Variants in PIK3C2A observed in about 807,000 individuals in gnomAD.
PIK3C2A encodes phosphatidylinositol-4-phosphate 3-kinase catalytic subunit type 2 alpha.
PIK3C2A carries 97 observed loss-of-function variants against 204.5 expected under a neutral mutation model. That is an observed-to-expected ratio of 0.47 (90% confidence interval 0.40 to 0.56). The LOEUF is 0.56. Ranked by LOEUF, PIK3C2A falls within the 20% of genes least tolerant of loss-of-function variation. PIK3C2A has a pLI of 0.00. For synonymous variants in PIK3C2A, 653 were observed against 664.4 expected, an observed-to-expected ratio of 0.98 and a Z score of 0.26; for missense variants, 1,735 against 1,969.2, an observed-to-expected ratio of 0.88 and a Z score of 2.25.
chr11:17,164,480 A>C (rs1156496448), intron 2 of PIK3C2A, among the ~76,000 whole-genome samples: 1 of 152,192 alleles, frequency 6.6e-6, no homozygotes, highest in African/African-American at 2.4e-5. Context: ...TTCCTCAGCC[A>C]TGCTGCAGTT....
intron 8 of PIK3C2A, among the ~76,000 whole-genome samples, chr11:17,140,580 T>C (rs1007508303): frequency 6.6e-6 from 1 of 152,214 alleles, no homozygotes; most frequent in African/African-American, 2.4e-5. Flanking sequence ...TGATTCCATG[T>C]ACATGAAATG....
At chr11:17,149,371 G>A (rs558070380) in intron 4 of PIK3C2A, among the ~76,000 whole-genome samples, 2 of 151,828 alleles carry the variant, frequency 1.3e-5, no homozygotes, top group East Asian at 3.9e-4. Flanking sequence ...AAATAAATAA[G>A]GTATACAGGA....
At chr11:17,142,018 G>A (rs1317021672) in intron 8 of PIK3C2A, among the ~76,000 whole-genome samples, 1 of 152,120 alleles carries the variant, frequency 6.6e-6, no homozygotes, top group Non-Finnish European at 1.5e-5. Flanking sequence ...TGTAGGGAAG[G>A]GGGTATATGA....
rs920866232 is a variant in PIK3C2A at position 17,091,371 on chromosome 11, A to G, written c.4841T>C (p.Ile1614Thr). Residue 1614 changes from isoleucine (I) to threonine (T), a missense_variant, in exon 32 of 33, where the codon ATT (isoleucine) becomes ACT (threonine). This residue lies in a region of PIK3C2A where 503 missense variants were observed against 669.0 expected (regional missense o/e 0.75). Coordinates refer to ENST00000691414, the MANE Select transcript of PIK3C2A (RefSeq NM_002645.4). ...NHKTSKRKTK[I>T]SRKTRNPTFN... Reference sequence around the variant, plus strand: ...TGTCGGATTCCTCGTTTTTCGTGAAATTTTGGTTTTACGTTTGGATGTTTT... The same window carrying G: ...TGTCGGATTCCTCGTTTTTCGTGAAGTTTTGGTTTTACGTTTGGATGTTTT... The G allele has an allele frequency of 1.9e-6, 3 of 1,613,720 alleles. No homozygotes were observed. Among genetic ancestry groups the G allele is most frequent in the Non-Finnish European group, 2.5e-6 (3 of 1,179,812 alleles).
intron 1 of PIK3C2A, among the ~76,000 whole-genome samples, chr11:17,200,907 TG>T (rs1221341875): frequency 6.6e-6 from 1 of 152,182 alleles, no homozygotes; most frequent in African/African-American, 2.4e-5. Flanking sequence ...TCTAGTCAGA[TG>T]AAACTAGGCG....
intron 1 of PIK3C2A, among the ~76,000 whole-genome samples, chr11:17,201,998 G>A (rs1852404234): frequency 6.6e-6 from 1 of 152,146 alleles, no homozygotes; most frequent in African/African-American, 2.4e-5. Context: ...GCCCACACCT[G>A]TAATCCCAGC....
At chr11:17,205,890 A>C (rs1852554865) in intron 1 of PIK3C2A, among the ~76,000 whole-genome samples, 1 of 152,162 alleles carries the variant, frequency 6.6e-6, no homozygotes, top group African/African-American at 2.4e-5. Context: ...GGAGGCCAAG[A>C]CGGGCAGATC....
intron 8 of PIK3C2A, among the ~76,000 whole-genome samples, chr11:17,142,150 TCA>T (rs1850083433): frequency 6.6e-6 from 1 of 152,210 alleles, no homozygotes; most frequent in Non-Finnish European, 1.5e-5. Context: ...TATAAAAAAT[TCA>T]GTTTTGTACA....
rs1438205850 is a variant in PIK3C2A, at chr11:17,118,521, A to G, written c.3035+124T>C. On this transcript the variant is annotated intron_variant, in intron 18 of 32. Transcript: ENST00000691414. ...GTAAATTTAGCTCCTTTAAAATAAT[A>G]CCTTCAATAAAATATCTTGTATCCA... 4.1e-5 allele frequency: 23 copies of G among 560,062 alleles called. 1 individual carries two copies. The East Asian group carries it at 6.0e-4, about 15-fold the overall frequency. The allele number at this position is 560,062 out of a possible 1,614,324, so 34.7% of individuals were successfully genotyped here.
intron 1 of PIK3C2A, among the ~76,000 whole-genome samples, chr11:17,176,439 A>T (rs561384605): frequency 6.8e-6 from 1 of 147,796 alleles, no homozygotes; most frequent in African/African-American, 2.4e-5. Flanking sequence ...ACATGGCCAG[A>T]CCCTATCTCT....
intron 18 of PIK3C2A, among the ~76,000 whole-genome samples, chr11:17,118,378 T>A (rs1308897323): frequency 6.6e-6 from 1 of 152,206 alleles, no homozygotes; most frequent in African/African-American, 2.4e-5. Flanking sequence ...TGGCCTCAAT[T>A]TTTGATAACC....
chr11:17,103,979 G>A (rs150099984), intron 23 of PIK3C2A, among the ~76,000 whole-genome samples: 1 of 152,162 alleles, frequency 6.6e-6, no homozygotes, highest in African/African-American at 2.4e-5. Flanking sequence ...TGAAAAGGGA[G>A]TGATCTCACA....
At chr11:17,205,454 A>C (rs1398797658) in intron 1 of PIK3C2A, among the ~76,000 whole-genome samples, 1 of 148,814 alleles carries the variant, frequency 6.7e-6, no homozygotes, top group African/African-American at 2.5e-5. Context: ...AGCCTCGTCA[A>C]CAGAGTGAGA....
At chr11:17,139,121 C>T (rs905840525) in intron 8 of PIK3C2A, among the ~76,000 whole-genome samples, 5 of 152,118 alleles carry the variant, frequency 3.3e-5, no homozygotes, top group Non-Finnish European at 1.5e-5. Context: ...CCACGTTGGC[C>T]AGGCTGGTCT....
intron 14 of PIK3C2A, 21 bp from the exon 15 acceptor site, chr11:17,122,354 T>C: frequency 6.8e-7 from 1 of 1,463,136 alleles, no homozygotes; most frequent in Non-Finnish European, 9.5e-7. Flanking sequence ...TAACAGAAAT[T>C]GATCAAATTA....
In PIK3C2A at chr11:17,117,593, T is replaced by C; in HGVS notation, c.3114A>G (p.Gly1038=). The change falls in exon 19 of 33, where the codon GGA becomes GGG. Residue 1038 remains glycine, a synonymous_variant. Transcript: ENST00000691414. ...GAAGTTCTTCTCTAAGTCGTTTTCC[T>C]CCTACTGACAGGAGAGCACCCAAAA... is the stretch of plus-strand genomic sequence containing the variant. The part of the protein sequence containing the change: ...EHVLGALLSV[G]GKRLREELLK... 2 of 1,613,182 alleles carry C rather than the reference T, an allele frequency of 1.2e-6. No individual in the cohort carries two copies. The highest frequency in any genetic ancestry group is 4.5e-5 in the East Asian group (2 of 44,858).
chr11:17,157,866 C>T (rs1342703205), intron 2 of PIK3C2A, among the ~76,000 whole-genome samples: 1 of 152,172 alleles, frequency 6.6e-6, no homozygotes, highest in East Asian at 1.9e-4. Context: ...CTAGCAAATC[C>T]TCTGGTTTCA....
intron 1 of PIK3C2A, among the ~76,000 whole-genome samples, chr11:17,199,112 C>G (rs1322047920): frequency 6.9e-6 from 1 of 145,366 alleles, no homozygotes; most frequent in African/African-American, 2.7e-5. Flanking sequence ...GAGTGAGACA[C>G]CGTCTCAAGA....
At chr11:17,137,787 A>G (rs760559672) in intron 8 of PIK3C2A, among the ~76,000 whole-genome samples, 1 of 152,014 alleles carries the variant, frequency 6.6e-6, no homozygotes, top group Non-Finnish European at 1.5e-5. Flanking sequence ...TTCCTTTCTG[A>G]TACTAGAGCT....
Sources: gnomAD v4.1 joint callset for allele counts (sites outside exome capture counted in the v4.1 genomes callset) on GRCh38, gnomAD v4.1.1 for gene constraint, gnomAD v4.1.1 regional missense constraint, MANE v1.5 for transcripts, NCBI Gene and HGNC (gene_info 2026-07-23, HGNC 2026-07-21) for gene names.